VWA8: variants seen among roughly 807,000 people sequenced by gnomAD.
VWA8 encodes the protein von Willebrand factor A domain-containing protein 8.
In VWA8, 221 loss-of-function variants were observed where a neutral mutation model predicts 241.5. That is an observed-to-expected ratio of 0.91 (90% CI 0.82 to 1.02). VWA8 has a LOEUF of 1.02. Among genes scored for constraint, VWA8 ranks in the 50% least tolerant of loss-of-function variants. VWA8 has a pLI of 0.00. For synonymous variants in VWA8, 852 were observed against 827.1 expected, an observed-to-expected ratio of 1.03 and a Z score of -0.52; for missense variants, 2,322 against 2,328.7, an observed-to-expected ratio of 1.00 and a Z score of 0.06.
At chr13:41,611,951 C>T (rs1480377519) in intron 38 of VWA8, among the ~76,000 whole-genome samples, 1 of 152,184 alleles carries the variant, frequency 6.6e-6, no homozygotes, top group African/African-American at 2.4e-5. Context: ...AAGGCTTACT[C>T]CAGCTTCTAT....
intron 41 of VWA8, among the ~76,000 whole-genome samples, chr13:41,590,393 C>A (rs938696318): frequency 1.1e-4 from 17 of 152,094 alleles, no homozygotes; most frequent in African/African-American, 4.1e-4. Flanking sequence ...TTTGTACTGA[C>A]TGTTTCTTAA....
chr13:41,738,833 G>T (rs2045545269), intron 21 of VWA8, among the ~76,000 whole-genome samples: 1 of 152,034 alleles, frequency 6.6e-6, no homozygotes, highest in Non-Finnish European at 1.5e-5. Flanking sequence ...ATGAAATAAG[G>T]ATAAAAATAC....
intron 37 of VWA8, among the ~76,000 whole-genome samples, chr13:41,648,347 C>T (rs1280022035): frequency 6.6e-6 from 1 of 152,166 alleles, no homozygotes; most frequent in African/African-American, 2.4e-5. Context: ...TCCAAGCCCT[C>T]TTTCCTCATA....
intron 23 of VWA8, 79 bp downstream of exon 23, chr13:41,729,463 G>C: frequency 7.4e-7 from 1 of 1,356,398 alleles, no homozygotes; most frequent in Non-Finnish European, 9.9e-7. Flanking sequence ...TAAATAAGTA[G>C]GCAGCTAAGT....
chr13:41,916,498 T>G (rs1206567195), intron 2 of VWA8, among the ~76,000 whole-genome samples: 1 of 152,258 alleles, frequency 6.6e-6, no homozygotes, highest in Non-Finnish European at 1.5e-5. Flanking sequence ...TATGTTTTAT[T>G]CCTTTTATTA....
intron 37 of VWA8, among the ~76,000 whole-genome samples, chr13:41,659,820 T>C (rs971649158): frequency 1.3e-5 from 2 of 152,334 alleles, no homozygotes; most frequent in Admixed American, 6.5e-5. Flanking sequence ...TTACGTGTCC[T>C]ATAGAGATAA....
intron 4 of VWA8, among the ~76,000 whole-genome samples, chr13:41,899,249 A>G (rs116895028): frequency 0.015 from 2,222 of 152,364 alleles, 39 homozygotes; most frequent in East Asian, 0.058. Context: ...AATATAAATT[A>G]TTTATTAATT....
At chr13:41,786,476 G>A (rs528863051) in intron 18 of VWA8, among the ~76,000 whole-genome samples, 89 of 152,256 alleles carry the variant, frequency 5.8e-4, no homozygotes, top group African/African-American at 2.1e-3. Flanking sequence ...TCCCCTACAT[G>A]AGGCTTAGAT....
intron 21 of VWA8, among the ~76,000 whole-genome samples, chr13:41,751,911 A>G (rs1380120501): frequency 6.6e-6 from 1 of 152,128 alleles, no homozygotes; most frequent in Non-Finnish European, 1.5e-5. Context: ...CTTGACCTGG[A>G]AGTTTCAGAT....
At chr13:41,572,638 C>A (rs1358588631) in intron 43 of VWA8, among the ~76,000 whole-genome samples, 1 of 151,638 alleles carries the variant, frequency 6.6e-6, no homozygotes, top group Non-Finnish European at 1.5e-5. Context: ...TCTCAAGTAC[C>A]CAGGGACACA....
chr13:41,781,147 C>T (rs1868867686), intron 19 of VWA8, among the ~76,000 whole-genome samples: 1 of 152,194 alleles, frequency 6.6e-6, no homozygotes, highest in Non-Finnish European at 1.5e-5. Context: ...TGCTTAAAAT[C>T]TTTCAATAAC....
intron 38 of VWA8, 84 bp downstream of exon 38, chr13:41,614,892 A>G: frequency 2.2e-6 from 3 of 1,343,572 alleles, no homozygotes; most frequent in Non-Finnish European, 3.2e-6. Context: ...CCCGTCTCTG[A>G]GTCTTCTCAG....
At chr13:41,735,498 G>C (rs1409047587) in intron 21 of VWA8, among the ~76,000 whole-genome samples, 1 of 152,100 alleles carries the variant, frequency 6.6e-6, no homozygotes. Flanking sequence ...ACTAAAATGA[G>C]AATAAATGCA....
intron 12 of VWA8, among the ~76,000 whole-genome samples, chr13:41,863,455 T>TA (rs1566485517): frequency 2.3e-5 from 2 of 87,154 alleles, no homozygotes; most frequent in African/African-American, 8.5e-5. Context: ...ATATATATAT[T>TA]CACACACACA....
At chr13:41,866,104 T>C in intron 10 of VWA8, 68 bp from the exon 11 acceptor site, 1 of 1,576,516 alleles carries the variant, frequency 6.3e-7, no homozygotes, top group Non-Finnish European at 8.6e-7. Context: ...TCCCAACACT[T>C]TGGGAGGCCA....
chr13:41,821,143 C>T (rs926928713), intron 14 of VWA8, among the ~76,000 whole-genome samples: 3 of 152,088 alleles, frequency 2.0e-5, no homozygotes, highest in African/African-American at 4.8e-5. Context: ...ACTAAAAGAA[C>T]AACTAAAATG....
intron 2 of VWA8, among the ~76,000 whole-genome samples, chr13:41,915,364 G>A (rs1876202163): frequency 6.6e-6 from 1 of 152,166 alleles, no homozygotes; most frequent in Admixed American, 6.6e-5. Context: ...TGACCATACT[G>A]CTACCATTCT....
At chr13:41,734,871 A>G (rs2045513071) in intron 21 of VWA8, among the ~76,000 whole-genome samples, 1 of 152,254 alleles carries the variant, frequency 6.6e-6, no homozygotes, top group African/African-American at 2.4e-5. Context: ...GGAAAGTGAA[A>G]AATACATTGT....
chr13:41,955,519 G>T (rs1878313762), intron 1 of VWA8, among the ~76,000 whole-genome samples: 1 of 152,146 alleles, frequency 6.6e-6, no homozygotes, highest in African/African-American at 2.4e-5. Context: ...GACCAGAACA[G>T]CAAGAACATA....
Sources: allele counts gnomAD v4.1 joint callset (sites outside exome capture counted in the v4.1 genomes callset), GRCh38; gene constraint gnomAD v4.1.1; transcripts MANE v1.5; gene names NCBI Gene and HGNC (gene_info 2026-07-23, HGNC 2026-07-21).